STPG2: variants seen among roughly 807,000 people sequenced by gnomAD.
STPG2 encodes sperm tail PG-rich repeat containing 2, also known as sperm-tail PG-rich repeat-containing protein 2.
In STPG2, 56 loss-of-function variants were observed where a neutral mutation model predicts 54.2. The observed-to-expected ratio is 1.03, with a 90% confidence interval of 0.83 to 1.29. The LOEUF (loss-of-function observed/expected upper bound fraction) is 1.29, where lower values mean the gene tolerates loss of function less well. Ranked by LOEUF, STPG2 falls within the 50% of genes most tolerant of loss-of-function variation. The pLI, the probability that STPG2 is intolerant of heterozygous loss-of-function variation, is 0.00. For synonymous variants in STPG2, 200 were observed against 181.8 expected (o/e 1.10, Z -0.81); for missense variants, 596 against 544.9 (o/e 1.09, Z -0.93).
intron 8 of STPG2, among the ~76,000 whole-genome samples, chr4:97,844,820 C>G (rs922446996): frequency 2.0e-5 from 3 of 151,754 alleles, no homozygotes; most frequent in African/African-American, 7.2e-5. Context: ...TGCTAAAATA[C>G]TTGACATTGA....
At chr4:97,738,057 C>G (rs1385966535) in intron 9 of STPG2, among the ~76,000 whole-genome samples, 1 of 152,152 alleles carries the variant, frequency 6.6e-6, no homozygotes, top group Admixed American at 6.5e-5. Flanking sequence ...GGCCAATATT[C>G]AACATTCTTA....
At chr4:97,562,609 A>T (rs578151141) in intron 10 of STPG2, among the ~76,000 whole-genome samples, 3 of 152,290 alleles carry the variant, frequency 2.0e-5, no homozygotes, top group African/African-American at 7.2e-5. Flanking sequence ...ATTTTGAGAT[A>T]CTTCCCATCA....
intron 4 of STPG2, among the ~76,000 whole-genome samples, chr4:97,508,163 G>C (rs1335322485): frequency 6.6e-6 from 1 of 151,972 alleles, no homozygotes; most frequent in African/African-American, 2.4e-5. Flanking sequence ...TCTTTATTAT[G>C]CCATAGTAAC....
chr4:98,075,309 T>C (rs1156693554), intron 5 of STPG2, among the ~76,000 whole-genome samples: 4 of 152,210 alleles, frequency 2.6e-5, no homozygotes, highest in Non-Finnish European at 2.9e-5. Context: ...CAGCACAGCA[T>C]GTGAGGATTG....
intron 8 of STPG2, among the ~76,000 whole-genome samples, chr4:97,867,074 C>T (rs1434508981): frequency 6.6e-6 from 1 of 151,956 alleles, no homozygotes; most frequent in Non-Finnish European, 1.5e-5. Context: ...GCTTTGGGTG[C>T]ATTCCTGAAA....
intron 9 of STPG2, among the ~76,000 whole-genome samples, chr4:97,769,906 TTAACA>T (rs1726170189): frequency 6.6e-6 from 1 of 152,066 alleles, no homozygotes; most frequent in South Asian, 2.1e-4. Flanking sequence ...AATAAATAAA[TTAACA>T]TAAAATATGA....
intron 4 of STPG2, among the ~76,000 whole-genome samples, chr4:97,447,289 G>A (rs576126541): frequency 3.3e-5 from 5 of 152,206 alleles, no homozygotes; most frequent in African/African-American, 4.8e-5. Flanking sequence ...AAAATTTGCA[G>A]CCTTACCATG....
chr4:97,984,091 T>C (rs2149264964), intron 5 of STPG2, among the ~76,000 whole-genome samples: 1 of 152,250 alleles, frequency 6.6e-6, no homozygotes, highest in African/African-American at 2.4e-5. Context: ...AGTTTTATAA[T>C]TGCTTTACCC....
intron 9 of STPG2, among the ~76,000 whole-genome samples, chr4:97,794,401 T>C (rs957595555): frequency 6.6e-6 from 1 of 152,258 alleles, no homozygotes; most frequent in East Asian, 1.9e-4. Flanking sequence ...ATGCTGACTC[T>C]ACAAAGTATG....
chr4:97,794,379 T>C (rs182425322), intron 9 of STPG2, among the ~76,000 whole-genome samples: 5 of 152,226 alleles, frequency 3.3e-5, no homozygotes, highest in African/African-American at 1.2e-4. Flanking sequence ...CTGTAATGTA[T>C]TCAGGTAACC....
intron 1 of STPG2, among the ~76,000 whole-genome samples, chr4:98,135,915 C>A (rs1342537240): frequency 6.6e-6 from 1 of 151,698 alleles, no homozygotes; most frequent in Non-Finnish European, 1.5e-5. Context: ...CACACACATA[C>A]ACACTCAAAC....
intron 5 of STPG2, among the ~76,000 whole-genome samples, chr4:97,993,964 G>C (rs1036420269): frequency 2.0e-5 from 3 of 151,742 alleles, no homozygotes; most frequent in African/African-American, 7.3e-5. Context: ...AGCTTATTTG[G>C]ATCTTCTCTC....
At chr4:97,806,380 G>A (rs1040913315) in intron 9 of STPG2, among the ~76,000 whole-genome samples, 1 of 152,048 alleles carries the variant, frequency 6.6e-6, no homozygotes. Context: ...GGAAGGAAAG[G>A]CACAAGGATT....
chr4:97,566,764 C>T (rs573666998), intron 10 of STPG2, among the ~76,000 whole-genome samples: 2 of 151,768 alleles, frequency 1.3e-5, no homozygotes, highest in African/African-American at 4.9e-5. Context: ...TCATCATTCT[C>T]AGTAAACTAT....
intron 9 of STPG2, among the ~76,000 whole-genome samples, chr4:97,820,951 G>A (rs565831848): frequency 2.2e-4 from 34 of 152,066 alleles, no homozygotes; most frequent in South Asian, 6.2e-4. Flanking sequence ...ATGGCATTTC[G>A]CCCTCTGCCC....
intron 10 of STPG2, among the ~76,000 whole-genome samples, chr4:97,646,624 T>C (rs189486028): frequency 1.6e-3 from 241 of 152,240 alleles, no homozygotes; most frequent in African/African-American, 5.7e-3. Flanking sequence ...TCCAAAAGCT[T>C]TGATGCTTTA....
At chr4:97,454,645 C>A in intron 4 of STPG2, among the ~76,000 whole-genome samples, 1 of 149,280 alleles carries the variant, frequency 6.7e-6, no homozygotes, top group East Asian at 2.0e-4. Flanking sequence ...TGTTATGTGC[C>A]CATGCAAAGT....
At chr4:97,903,818 T>C (rs1326104748) in intron 8 of STPG2, among the ~76,000 whole-genome samples, 1 of 152,126 alleles carries the variant, frequency 6.6e-6, no homozygotes, top group Non-Finnish European at 1.5e-5. Context: ...TTCCCTTTCC[T>C]AGTCAAAAAA....
At chr4:97,695,568 CTGA>C (rs1175179852) in intron 10 of STPG2, among the ~76,000 whole-genome samples, 2 of 152,090 alleles carry the variant, frequency 1.3e-5, no homozygotes, top group East Asian at 1.9e-4. Flanking sequence ...TTGCTGTTCG[CTGA>C]TGATATGACA....
Sources: allele counts gnomAD v4.1 joint callset (sites outside exome capture counted in the v4.1 genomes callset), GRCh38; gene constraint gnomAD v4.1.1; transcripts MANE v1.5; gene names NCBI Gene and HGNC (gene_info 2026-07-23, HGNC 2026-07-21).